SOSTDC1: variants seen among roughly 807,000 people sequenced by gnomAD.
SOSTDC1 encodes sclerostin domain containing 1.
In SOSTDC1, 7 loss-of-function variants were observed where a neutral mutation model predicts 15.1. The observed-to-expected ratio is 0.46, with a 90% CI of 0.26 to 0.87. The LOEUF is 0.87. SOSTDC1 is among the 40% of genes least tolerant of loss of function. SOSTDC1 has a pLI of 0.15. For synonymous variants in SOSTDC1, 94 were observed against 93.2 expected, an observed-to-expected ratio of 1.01 and a Z score of -0.05; for missense variants, 242 against 259.2, an observed-to-expected ratio of 0.93 and a Z score of 0.46.
chr7:16,462,767 G>A lies in SOSTDC1; in HGVS notation c.402C>T (p.Val134=), dbSNP rs749970369. 93 of 1,614,018 alleles carry A rather than the reference G, an allele frequency of 5.8e-5. No individual in the cohort carries two copies. Among genetic ancestry groups the A allele is most frequent in the Non-Finnish European group, 7.6e-5 (90 of 1,180,020 alleles). ...SRRSSQEWRC[V]NDKTRTQRIQ... is the part of the protein sequence containing the mutation. ...TTCTCTGGGTACGGGTTTTGTCATT[G>A]ACACACCGCCACTCCTGGGAGCTCC... Residue 134 remains valine, a synonymous_variant, in exon 2 of 2, where the codon GTC becomes GTT. Coordinates refer to ENST00000307068, the MANE Select transcript of SOSTDC1 (RefSeq NM_015464.3).
chr7:16,463,099 T>A, intron 1 of SOSTDC1, 136 bp from the exon 2 acceptor site: 1 of 844,796 alleles, frequency 1.2e-6, no homozygotes, highest in Non-Finnish European at 1.8e-6. Flanking sequence ...TACTTTATTT[T>A]CACAGTGAAA....
At chr7:16,464,510 G>A (rs1247367982) in intron 1 of SOSTDC1, 7 of 670,424 alleles carry the variant, frequency 1.0e-5, no homozygotes, top group Middle Eastern at 2.7e-4. Flanking sequence ...AACCAGCTTC[G>A]TGAAAGTTAA....
At position 16,462,589 on chromosome 7, in the gene SOSTDC1, G is replaced by A. The variant is rs764846211; in HGVS notation, c.580C>T (p.Arg194Trp). 17 of 1,614,100 alleles carry A rather than the reference G, an allele frequency of 1.1e-5. No individual in the cohort carries two copies. The highest frequency in any genetic ancestry group is 2.2e-5 in the East Asian group (1 of 44,884). Residue 194 changes from arginine (R) to tryptophan (W), a missense_variant, in exon 2 of 2, where the codon CGG becomes TGG. Transcript: ENST00000307068. ...PAKPVQHHRERKRASKSSKHS... is the reference protein window; with the variant it reads ...PAKPVQHHREWKRASKSSKHS... ...TTGCTGGATTTGCTGGCTCTTTTCC[G>A]CTCTCTGTGATGCTGGACTGGCTTG...
chr7:16,462,993 G>C, intron 1 of SOSTDC1, 30 bp from the exon 2 acceptor site: 1 of 1,513,194 alleles, frequency 6.6e-7, no homozygotes, highest in Non-Finnish European at 8.9e-7. Flanking sequence ...ATGTGCATCA[G>C]AGAAAAAATG....
chr7:16,464,717 G>T (rs747323266), intron 1 of SOSTDC1, among the ~76,000 whole-genome samples: 10 of 151,758 alleles, frequency 6.6e-5, no homozygotes, highest in Non-Finnish European at 1.0e-4. Context: ...TAAAGGAAAA[G>T]ATAGAAACAA....
chr7:16,463,926 C>G (rs1053348116), intron 1 of SOSTDC1, among the ~76,000 whole-genome samples: 3 of 151,982 alleles, frequency 2.0e-5, no homozygotes, highest in African/African-American at 7.2e-5. Flanking sequence ...TTTCCTTACC[C>G]TTGCTTTGTT....
At chr7:16,463,113 A>AG (rs1781239454) in intron 1 of SOSTDC1, 150 bp from the exon 2 acceptor site, 1 of 759,882 alleles carries the variant, frequency 1.3e-6, no homozygotes, top group Admixed American at 3.1e-5. Context: ...AGTGAAAAAA[A>AG]TCTGTCTGGA....
rs1168934593 is a variant in SOSTDC1 at position 16,462,665 on chromosome 7, G to A, written c.504C>T (p.Tyr168=). ...TVVTACKCKR[Y]TRQHNESSHN... is the part of the protein sequence containing the mutation. Reference sequence around the variant, plus strand: ...GACTGGACTCGTTGTGCTGCCGGGTGTACCTCTTGCACTTGCAGGCAGTGA... The same window carrying A: ...GACTGGACTCGTTGTGCTGCCGGGTATACCTCTTGCACTTGCAGGCAGTGA... The change falls in exon 2 of 2, where the codon TAC becomes TAT. Residue 168 remains tyrosine (Y), a synonymous_variant. Coordinates refer to ENST00000307068, the MANE Select transcript of SOSTDC1 (RefSeq NM_015464.3). The A allele has an allele frequency of 1.9e-6, 3 of 1,614,196 alleles. No homozygotes were observed. Among genetic ancestry groups the A allele is most frequent in the South Asian group, 1.1e-5 (1 of 91,078 alleles).
Position 16,462,600 on chromosome 7 carries a change from T to C in SOSTDC1, c.569A>G (p.His190Arg). ...GCTGGCTCTTTTCCGCTCTCTGTGA[T>C]GCTGGACTGGCTTGGCAGGTGACAT... is the stretch of plus-strand genomic sequence containing the variant. ...ESMSPAKPVQ[H>R]HRERKRASKS... Residue 190 changes from histidine (H) to arginine (R), a missense_variant, in exon 2 of 2, where the codon CAT (histidine) becomes CGT (arginine). Coordinates refer to ENST00000307068, the MANE Select transcript of SOSTDC1 (RefSeq NM_015464.3). The C allele has an allele frequency of 6.2e-7, 1 of 1,614,236 alleles. No individual in the cohort carries two copies. Among genetic ancestry groups the C allele is most frequent in the Non-Finnish European group, 8.5e-7 (1 of 1,180,028 alleles).
rs763875527 is a variant in SOSTDC1, at chr7:16,462,672, T to C, written c.497A>G (p.Lys166Arg). 6.1e-5 allele frequency: 98 copies of C among 1,614,114 alleles called. No individual in the cohort carries two copies. The highest frequency in any genetic ancestry group is 8.1e-5 in the Non-Finnish European group (95 of 1,180,042). Residue 166 changes from lysine to arginine, a missense_variant, in exon 2 of 2, where the codon AAG (lysine) becomes AGG (arginine). Physicochemically the swap from Lys to Arg is conservative, Grantham distance 26. Transcript: ENST00000307068. ...KITVVTACKC[K>R]RYTRQHNESS... ...CTCGTTGTGCTGCCGGGTGTACCTC[T>C]TGCACTTGCAGGCAGTGACTACTGT...
intron 1 of SOSTDC1, among the ~76,000 whole-genome samples, chr7:16,464,905 T>G (rs942518334): frequency 2.6e-5 from 4 of 152,160 alleles, no homozygotes; most frequent in African/African-American, 9.7e-5. Flanking sequence ...TCTCCAACAT[T>G]TTTAGTTTAT....
At chr7:16,464,652 TTCTCTC>T (rs72323066) in intron 1 of SOSTDC1, among the ~76,000 whole-genome samples, 6 of 150,332 alleles carry the variant, frequency 4.0e-5, no homozygotes, top group South Asian at 2.1e-4. Context: ...TGCGCAGTGT[TTCTCTC>T]TCTCTCTCTC....
rs1781226497 is a variant in SOSTDC1, at chr7:16,462,537, G to T, written c.*11C>A. On this transcript the variant is annotated 3_prime_UTR_variant, in exon 2 of 2. Coordinates refer to ENST00000307068, the MANE Select transcript of SOSTDC1 (RefSeq NM_015464.3). ...TGGTTACTAGTAAGTCTAGTTATGG[G>T]AGTCTGAGTTCTAACTCATGCTGTG... The T allele has an allele frequency of 6.2e-7, 1 of 1,612,740 alleles. No homozygotes were observed. Among genetic ancestry groups the T allele is most frequent in the South Asian group, 1.1e-5 (1 of 90,974 alleles).
intron 1 of SOSTDC1, among the ~76,000 whole-genome samples, chr7:16,464,770 G>A (rs1233306331): frequency 6.6e-6 from 1 of 152,088 alleles, no homozygotes; most frequent in African/African-American, 2.4e-5. Context: ...TGGTCAATTA[G>A]TGTGTCAACT....
rs745725934 is a variant in SOSTDC1 at position 16,462,541 on chromosome 7, C to G, written c.*7G>C. 6 of 1,613,216 alleles carry G rather than the reference C, an allele frequency of 3.7e-6. No homozygotes were observed. In the Admixed American group the frequency reaches 6.7e-5, roughly 18 times the overall value. ...TACTAGTAAGTCTAGTTATGGGAGT[C>G]TGAGTTCTAACTCATGCTGTGCTTG... On this transcript the variant is annotated 3_prime_UTR_variant, in exon 2 of 2. Coordinates refer to ENST00000307068, the MANE Select transcript of SOSTDC1 (RefSeq NM_015464.3).
intron 1 of SOSTDC1, among the ~76,000 whole-genome samples, chr7:16,464,675 T>TCTCTCTC (rs1781275007): frequency 6.6e-6 from 1 of 150,394 alleles, no homozygotes; most frequent in African/African-American, 2.5e-5. Context: ...TCTCTCTCTC[T>TCTCTCTC]TAAAACCTGA....
chr7:16,464,224 A>G, intron 1 of SOSTDC1: 2 of 955,786 alleles, frequency 2.1e-6, no homozygotes, highest in Non-Finnish European at 1.7e-6. Flanking sequence ...ACATGCATGC[A>G]TAGAAATCTA....
intron 1 of SOSTDC1, 96 bp downstream of exon 1, chr7:16,465,368 G>T: frequency 9.6e-7 from 1 of 1,046,724 alleles, no homozygotes; most frequent in Non-Finnish European, 1.4e-6. Flanking sequence ...ACATATATAC[G>T]GTTCAGGTTA....
intron 1 of SOSTDC1, among the ~76,000 whole-genome samples, chr7:16,463,263 T>C (rs991668967): frequency 6.6e-6 from 1 of 152,200 alleles, no homozygotes; most frequent in South Asian, 2.1e-4. Flanking sequence ...ATTTCCTTAG[T>C]CTGACTCTCC....
Sources: gnomAD v4.1 joint callset for allele counts (sites outside exome capture counted in the v4.1 genomes callset) on GRCh38, gnomAD v4.1.1 for gene constraint, MANE v1.5 for transcripts, NCBI Gene and HGNC (gene_info 2026-07-23, HGNC 2026-07-21) for gene names.